ADGRF5: variants seen among roughly 807,000 people sequenced by gnomAD.
ADGRF5 encodes the protein G-protein coupled receptor 116.
In ADGRF5, 75 loss-of-function variants were observed where a neutral mutation model predicts 132.3. The observed-to-expected ratio is 0.57, with a 90% confidence interval of 0.47 to 0.69. The LOEUF (loss-of-function observed/expected upper bound fraction) is 0.69. ADGRF5 is among the 30% of genes least tolerant of loss of function. The probability of loss-of-function intolerance (pLI) is 0.00; values close to 1 mark genes in which losing one functional copy is unlikely to be tolerated. For missense variants in ADGRF5, 1,516 were observed against 1,630.6 expected (o/e 0.93, Z 1.21); for synonymous variants, 629 against 597.6 (o/e 1.05, Z -0.77).
chr6:46,872,157 AT>A, intron 10 of ADGRF5, 144 bp from the exon 11 acceptor site: 1 of 574,090 alleles, frequency 1.7e-6, no homozygotes, highest in Non-Finnish European at 2.9e-6. Context: ...GTTTATGGTG[AT>A]TAGGTCTGCA....
intron 10 of ADGRF5, among the ~76,000 whole-genome samples, chr6:46,877,245 TTC>T (rs1477266811): frequency 3.2e-5 from 1 of 31,132 alleles, no homozygotes; most frequent in Non-Finnish European, 6.1e-5. Flanking sequence ...CTTTCTTTCT[TTC>T]TTTCTTTCTT....
At chr6:46,898,097 T>C (rs1422383934) in intron 3 of ADGRF5, among the ~76,000 whole-genome samples, 1 of 152,202 alleles carries the variant, frequency 6.6e-6, no homozygotes, top group African/African-American at 2.4e-5. Context: ...AAAGCACACC[T>C]GGAAAAACTT....
At chr6:46,951,937 C>T (rs1332020332) in intron 1 of ADGRF5, among the ~76,000 whole-genome samples, 2 of 152,200 alleles carry the variant, frequency 1.3e-5, no homozygotes, top group Admixed American at 6.5e-5. Context: ...CAGAGAAATA[C>T]AGAGCACCGC....
chr6:46,859,850 A>ATTTTAT (rs1562142724), intron 16 of ADGRF5, among the ~76,000 whole-genome samples: 2 of 27,056 alleles, frequency 7.4e-5, no homozygotes, highest in East Asian at 9.1e-3. Flanking sequence ...TTTTATTTTA[A>ATTTTAT]ATCTTAAGCC....
rs140212880 is a variant in ADGRF5, at chr6:46,904,835, A to G, written c.102+1826T>C. Among the ~76,000 whole-genome samples, 117 of 152,300 alleles carry G rather than the reference A, an allele frequency of 7.7e-4. 1 individual carries two copies. The highest frequency in any genetic ancestry group is 1.3e-3 in the Non-Finnish European group (86 of 68,024). ...CAGTATAAACTGATCAGGCAGGCTC[A>G]AGTGCACTTTTCCAATGGGAGTCTT... On this transcript the variant is annotated intron_variant, in intron 2 of 20. Transcript: ENST00000283296.
At position 46,859,283 on chromosome 6, in the gene ADGRF5, A is replaced by T. The variant is rs201982496; in HGVS notation, c.2620T>A (p.Tyr874Asn). The change falls in exon 17 of 21, where the codon TAC (tyrosine) becomes AAC (asparagine). Residue 874 changes from tyrosine to asparagine, a missense_variant. By Grantham distance (143) the Tyr-to-Asn change is moderately radical. Coordinates refer to ENST00000283296, the MANE Select transcript of ADGRF5 (RefSeq NM_001098518.2). ...ETYQQRFVFPYFDLWGNVVID... is the reference protein window; with the variant it reads ...ETYQQRFVFPNFDLWGNVVID... ...ACCACATTGCCCCAGAGGTCAAAGT[A>T]TGGGAAAACAAACCTCTGTTGATAG... 6.2e-7 allele frequency: 1 copy of T among 1,614,034 alleles called. No individual in the cohort carries two copies. The highest frequency in any genetic ancestry group is 8.5e-7 in the Non-Finnish European group (1 of 1,179,906).
chr6:46,888,509 C>A lies in ADGRF5; in HGVS notation c.158-4G>T, dbSNP rs370428440. On this transcript the variant is annotated splice_polypyrimidine_tract_variant and splice_region_variant and intron_variant, in intron 3 of 20. Transcript: ENST00000283296. ...GCCGTAGGACTTTTTGTGGCAACTG[C>A]AATGAAAGCACATGAAGGCTGAGAG... is the stretch of plus-strand genomic sequence containing the variant. The A allele has an allele frequency of 1.6e-5, 25 of 1,606,570 alleles. 1 individual carries two copies. Among genetic ancestry groups the A allele is most frequent in the Admixed American group, 3.3e-5 (2 of 59,958 alleles).
intron 1 of ADGRF5, among the ~76,000 whole-genome samples, chr6:46,953,151 C>T (rs1405816340): frequency 5.9e-5 from 9 of 152,082 alleles, no homozygotes; most frequent in Admixed American, 3.3e-4. Flanking sequence ...TAAGTGAATG[C>T]TTCTCAAACT....
chr6:46,943,621 A>G (rs1030245507), intron 1 of ADGRF5, among the ~76,000 whole-genome samples: 2 of 152,220 alleles, frequency 1.3e-5, no homozygotes, highest in Non-Finnish European at 2.9e-5. Context: ...ACAACACACC[A>G]TGAACTAGTT....
At chr6:46,918,135 A>G (rs562539113) in intron 1 of ADGRF5, among the ~76,000 whole-genome samples, 12 of 152,220 alleles carry the variant, frequency 7.9e-5, no homozygotes, top group South Asian at 6.2e-4. Flanking sequence ...AACCATCATG[A>G]CCAGAGTCAC....
At chr6:46,935,030 G>A (rs1422912256) in intron 1 of ADGRF5, among the ~76,000 whole-genome samples, 3 of 130,418 alleles carry the variant, frequency 2.3e-5, no homozygotes, top group African/African-American at 8.8e-5. Context: ...TTGAGACGGA[G>A]TCTTGCTCTG....
Position 46,874,687 on chromosome 6 carries a change from A to G in ADGRF5, c.1241-2674T>C, listed in dbSNP as rs1425127513. On this transcript the variant is annotated intron_variant, in intron 10 of 20. Coordinates refer to ENST00000283296, the MANE Select transcript of ADGRF5 (RefSeq NM_001098518.2). ...TACTCCTTGGAAAACTTGGCATTCC[A>G]TCAAGCTGCTTCAGGGGCTGGGGCT... Among the ~76,000 whole-genome samples the G allele has an allele frequency of 2.0e-5, 3 of 152,170 alleles. No individual in the cohort carries two copies. The South Asian group carries it at 6.2e-4, about 32-fold the overall frequency.
At chr6:46,951,330 T>A (rs1487787300) in intron 1 of ADGRF5, among the ~76,000 whole-genome samples, 1 of 150,076 alleles carries the variant, frequency 6.7e-6, no homozygotes. Flanking sequence ...AGAAGAAGGC[T>A]GGAAGACAGA....
intron 4 of ADGRF5, among the ~76,000 whole-genome samples, chr6:46,885,859 C>T (rs773778365): frequency 4.6e-5 from 7 of 152,132 alleles, no homozygotes; most frequent in Non-Finnish European, 1.0e-4. Flanking sequence ...ATCAATACTT[C>T]CACCTTCTAC....
At chr6:46,862,324 T>C (rs1158974039) in intron 15 of ADGRF5, among the ~76,000 whole-genome samples, 1 of 152,198 alleles carries the variant, frequency 6.6e-6, no homozygotes, top group African/African-American at 2.4e-5. Context: ...TTTTTTTACA[T>C]TGACAGAAGG....
chr6:46,893,058 A>ATTTTTTTTTTTT (rs35014340), intron 3 of ADGRF5, among the ~76,000 whole-genome samples: 2 of 86,718 alleles, frequency 2.3e-5, no homozygotes, highest in Non-Finnish European at 2.1e-5. Context: ...GACAACAGGG[A>ATTTTTTTTTTTT]TTTTTTTTTT....
intron 7 of ADGRF5, 100 bp from the exon 8 acceptor site, chr6:46,881,697 C>G: frequency 1.0e-6 from 1 of 973,386 alleles, no homozygotes; most frequent in Non-Finnish European, 1.6e-6. Flanking sequence ...CACAAACTGC[C>G]TGATGCAGCA....
upstream of ADGRF5, among the ~76,000 whole-genome samples, chr6:46,924,082 A>C (rs1007668208): frequency 6.6e-6 from 1 of 152,230 alleles, no homozygotes. Flanking sequence ...TTTCAGCACC[A>C]AATAAATACA....
Position 46,884,202 on chromosome 6 carries a change from C to A in ADGRF5, c.398G>T (p.Cys133Phe). 6.2e-7 allele frequency: 1 copy of A among 1,614,042 alleles called. No individual in the cohort carries two copies. Among genetic ancestry groups the A allele is most frequent in the Non-Finnish European group, 8.5e-7 (1 of 1,179,898 alleles). ...ETGYGWPRER[C>F]LHNLICQERD... ...CTCTTGACAAATGAGATTGTGAAGA[C>A]ACCTTTCCCGAGGCCACCCATAACC... Residue 133 changes from cysteine to phenylalanine, a missense_variant, in exon 5 of 21, where the codon TGT becomes TTT. Cys to Phe is a radical substitution (Grantham distance 205). Around this residue, in one of 2 missense-constraint regions of ADGRF5, gnomAD observed 945 missense variants for 929.4 expected, o/e 1.02. Transcript: ENST00000283296.
Sources: allele counts gnomAD v4.1 joint callset (sites outside exome capture counted in the v4.1 genomes callset), GRCh38; gene constraint gnomAD v4.1.1; regional missense constraint gnomAD v4.1.1; transcripts MANE v1.5; gene names NCBI Gene and HGNC (gene_info 2026-07-23, HGNC 2026-07-21).